Variants in AFAP1 observed in about 807,000 individuals in gnomAD.
The protein encoded by AFAP1 is actin filament-associated protein 1.
In AFAP1, 75 loss-of-function variants were observed where a neutral mutation model predicts 93.9. The observed-to-expected ratio is 0.80, with a 90% CI of 0.66 to 0.97. The LOEUF (loss-of-function observed/expected upper bound fraction) is 0.97, where lower values mean the gene tolerates loss of function less well. Ranked by LOEUF, AFAP1 falls within the 50% of genes least tolerant of loss-of-function variation. The probability of loss-of-function intolerance (pLI) is 0.00; values close to 1 mark genes in which losing one functional copy is unlikely to be tolerated. For missense variants in AFAP1, 1,201 were observed against 1,050.8 expected (o/e 1.14, Z -1.98); for synonymous variants, 517 against 430.7 (o/e 1.20, Z -2.48).
intron 1 of AFAP1, among the ~76,000 whole-genome samples, chr4:7,904,937 G>A (rs921829054): frequency 1.3e-5 from 2 of 152,108 alleles, no homozygotes; most frequent in Admixed American, 1.3e-4. Flanking sequence ...CCGAACTCTG[G>A]GCTCAAGCGA....
chr4:7,816,385 T>C (rs1037747973), intron 7 of AFAP1, among the ~76,000 whole-genome samples: 14 of 152,230 alleles, frequency 9.2e-5, no homozygotes, highest in South Asian at 2.1e-4. Flanking sequence ...AAATCACTTC[T>C]TGTAAATGAT....
At chr4:7,904,676 C>A (rs567027788) in intron 1 of AFAP1, among the ~76,000 whole-genome samples, 1 of 151,056 alleles carries the variant, frequency 6.6e-6, no homozygotes, top group South Asian at 2.1e-4. Flanking sequence ...AAGTTAACTA[C>A]TGCCACTATT....
At chr4:7,898,048 C>A (rs1019656730) in intron 1 of AFAP1, among the ~76,000 whole-genome samples, 1 of 152,104 alleles carries the variant, frequency 6.6e-6, no homozygotes, top group Admixed American at 6.5e-5. Context: ...CAGACCTAAC[C>A]ACTCCTCACC....
Position 7,809,677 on chromosome 4 carries a change from C to A in AFAP1, c.991G>T (p.Gly331Ter). 1.2e-6 allele frequency: 2 copies of A among 1,614,042 alleles called. No homozygotes were observed. The highest frequency in any genetic ancestry group is 1.7e-6 in the Non-Finnish European group (2 of 1,179,962). Residue 331 changes from glycine (G) to a stop codon, truncating the protein, a stop_gained, in exon 9 of 18, where the codon GGA (glycine) becomes TGA (stop). Coordinates refer to ENST00000420658, the MANE Select transcript of AFAP1 (RefSeq NM_001134647.2). LOFTEE classifies it high-confidence loss of function. The stretch of plus-strand genomic sequence containing the variant: ...TCGTCTGTGGACGGCTTTTTCTTTC[C>A]CAGACTGATGATCTTGGTGATTTTT... ...GKKITKIISL[G>*]KKKPSTDEQT...
intron 8 of AFAP1, among the ~76,000 whole-genome samples, chr4:7,810,629 G>A (rs1719932435): frequency 6.6e-6 from 1 of 152,212 alleles, no homozygotes. Context: ...GGTTTAGCCA[G>A]GACAGTGTTA....
chr4:7,786,705 C>T (rs936456185), intron 11 of AFAP1, among the ~76,000 whole-genome samples: 4 of 152,190 alleles, frequency 2.6e-5, no homozygotes, highest in Non-Finnish European at 5.9e-5. Context: ...GATTATCATC[C>T]GTCTTTCACA....
chr4:7,808,599 C>T (rs563747187), intron 9 of AFAP1, among the ~76,000 whole-genome samples: 9 of 152,152 alleles, frequency 5.9e-5, no homozygotes, highest in Non-Finnish European at 1.0e-4. Context: ...TTTGAAACTT[C>T]GGTTTGAGAA....
intron 1 of AFAP1, among the ~76,000 whole-genome samples, chr4:7,893,925 G>A (rs528064967): frequency 2.6e-5 from 4 of 152,230 alleles, no homozygotes; most frequent in Middle Eastern, 3.4e-3. Context: ...AAACGCTGCC[G>A]CCTCCCTCGC....
chr4:7,865,741 C>T (rs535102703), intron 3 of AFAP1, among the ~76,000 whole-genome samples: 1 of 152,342 alleles, frequency 6.6e-6, no homozygotes, highest in East Asian at 1.9e-4. Flanking sequence ...CATCCCTCTG[C>T]TACACCCAGC....
intron 1 of AFAP1, among the ~76,000 whole-genome samples, chr4:7,929,640 C>T (rs1022634830): frequency 6.6e-6 from 1 of 152,224 alleles, no homozygotes; most frequent in Admixed American, 6.5e-5. Context: ...TCTGGAGCCA[C>T]ACTGTCCCAG....
intron 9 of AFAP1, among the ~76,000 whole-genome samples, chr4:7,802,940 G>T (rs1467905910): frequency 6.6e-6 from 1 of 152,108 alleles, no homozygotes; most frequent in East Asian, 1.9e-4. Context: ...AATACATTTA[G>T]TCTTTAAAAA....
chr4:7,864,044 C>CA (rs1716080577), intron 3 of AFAP1, among the ~76,000 whole-genome samples: 1 of 152,130 alleles, frequency 6.6e-6, no homozygotes. Context: ...CCCATCACAA[C>CA]CCATTCCCAA....
intron 1 of AFAP1, among the ~76,000 whole-genome samples, chr4:7,886,059 A>G (rs1199493225): frequency 6.6e-6 from 1 of 152,220 alleles, no homozygotes; most frequent in East Asian, 1.9e-4. Context: ...AGGTAGATCT[A>G]AGAAATCTCA....
chr4:7,839,077 G>A (rs1021561321), intron 5 of AFAP1, among the ~76,000 whole-genome samples: 2 of 152,222 alleles, frequency 1.3e-5, no homozygotes, highest in Non-Finnish European at 2.9e-5. Flanking sequence ...GCTCACGCCT[G>A]TAATCCCAAC....
intron 1 of AFAP1, among the ~76,000 whole-genome samples, chr4:7,922,463 T>C (rs751854545): frequency 6.6e-6 from 1 of 152,178 alleles, no homozygotes; most frequent in Non-Finnish European, 1.5e-5. Flanking sequence ...AGTGTGGAGA[T>C]GATGTCCCAG....
chr4:7,802,405 G>A (rs34280510), intron 9 of AFAP1, among the ~76,000 whole-genome samples: 3 of 152,196 alleles, frequency 2.0e-5, no homozygotes, highest in Non-Finnish European at 4.4e-5. Context: ...AGAGGCCCTA[G>A]AATTAAAGTA....
At chr4:7,879,416 C>A (rs1281538941) in intron 1 of AFAP1, among the ~76,000 whole-genome samples, 1 of 152,100 alleles carries the variant, frequency 6.6e-6, no homozygotes, top group Non-Finnish European at 1.5e-5. Context: ...TGTTCGACAC[C>A]CCAGCCCCGA....
intron 1 of AFAP1, among the ~76,000 whole-genome samples, chr4:7,904,580 C>T (rs1719295842): frequency 1.3e-5 from 2 of 152,290 alleles, no homozygotes; most frequent in African/African-American, 2.4e-5. Flanking sequence ...TCTCATTTTT[C>T]ATAGATGAGT....
Position 7,782,624 on chromosome 4 carries a change from T to C in AFAP1, c.1531-997A>G, listed in dbSNP as rs75167212. On this transcript the variant is annotated intron_variant, in intron 12 of 17. Coordinates refer to ENST00000420658, the MANE Select transcript of AFAP1 (RefSeq NM_001134647.2). ...AACTGATAACCACAGCCAGGGCCTT[T>C]TCAGGGGTAAAGGTCTTTATAAATC... Among the ~76,000 whole-genome samples the C allele has an allele frequency of 3.9e-3, 595 of 152,336 alleles. 4 individuals are homozygous for C. The highest frequency in any genetic ancestry group is 0.014 in the African/African-American group (566 of 41,572).
Sources: allele counts gnomAD v4.1 joint callset (sites outside exome capture counted in the v4.1 genomes callset), GRCh38; gene constraint gnomAD v4.1.1; transcripts MANE v1.5; gene names NCBI Gene and HGNC (gene_info 2026-07-23, HGNC 2026-07-21).